AUH: variants seen among roughly 807,000 people sequenced by gnomAD.
AUH encodes AU RNA binding methylglutaconyl-CoA hydratase.
In AUH, 29 loss-of-function variants were observed where a neutral mutation model predicts 42.3. The observed-to-expected ratio is 0.69, with a 90% CI of 0.51 to 0.93. The LOEUF is 0.93. Among genes scored for constraint, AUH ranks in the 40% least tolerant of loss-of-function variants. AUH has a pLI of 0.00. For missense variants in AUH, 452 were observed against 438.1 expected (o/e 1.03, Z -0.28); for synonymous variants, 174 against 166.4 (o/e 1.05, Z -0.35).
chr9:91,223,517 T>A (rs1394302064), intron 6 of AUH, among the ~76,000 whole-genome samples: 2 of 152,224 alleles, frequency 1.3e-5, no homozygotes, highest in African/African-American at 2.4e-5. Context: ...TTGTGAATAA[T>A]GCTGCTATGA....
At chr9:91,333,074 AAG>A (rs1308046118) in intron 3 of AUH, among the ~76,000 whole-genome samples, 4 of 152,220 alleles carry the variant, frequency 2.6e-5, no homozygotes, top group African/African-American at 9.7e-5. Context: ...ACCTTCAGGA[AAG>A]AAAGCCTAAT....
intron 4 of AUH, among the ~76,000 whole-genome samples, chr9:91,305,562 G>T (rs1361793816): frequency 6.6e-6 from 1 of 152,188 alleles, no homozygotes; most frequent in Admixed American, 6.5e-5. Flanking sequence ...ACCACTGTGA[G>T]CCCTGAGAAA....
At chr9:91,337,818 G>A (rs977580839) in intron 3 of AUH, among the ~76,000 whole-genome samples, 5 of 152,148 alleles carry the variant, frequency 3.3e-5, no homozygotes. Context: ...TGTTCTCAAG[G>A]GAAGGAATTG....
chr9:91,353,221 G>A (rs904591625), intron 3 of AUH, among the ~76,000 whole-genome samples: 5 of 151,872 alleles, frequency 3.3e-5, no homozygotes, highest in Non-Finnish European at 7.4e-5. Flanking sequence ...TGAGTAGCTG[G>A]GATTACAGGC....
intron 1 of AUH, among the ~76,000 whole-genome samples, chr9:91,357,192 G>C (rs1246655673): frequency 3.3e-5 from 5 of 152,198 alleles, no homozygotes; most frequent in African/African-American, 1.2e-4. Flanking sequence ...CAATACTACT[G>C]ACAACAGCTA....
intron 3 of AUH, among the ~76,000 whole-genome samples, chr9:91,330,936 T>G (rs964971994): frequency 2.0e-5 from 3 of 152,220 alleles, no homozygotes; most frequent in Non-Finnish European, 2.9e-5. Context: ...GGGACGACTG[T>G]GGTGTGCTGG....
intron 6 of AUH, among the ~76,000 whole-genome samples, chr9:91,291,492 C>A (rs1826882908): frequency 1.3e-5 from 2 of 152,186 alleles, no homozygotes; most frequent in Non-Finnish European, 2.9e-5. Context: ...TCTGGGAATT[C>A]TTTTTAAATT....
intron 6 of AUH, among the ~76,000 whole-genome samples, chr9:91,226,821 T>A (rs1007566257): frequency 1.7e-5 from 2 of 120,752 alleles, no homozygotes; most frequent in African/African-American, 3.2e-5. Context: ...CCTTTCCCCA[T>A]TGCTTGTTTT....
intron 3 of AUH, among the ~76,000 whole-genome samples, chr9:91,344,844 G>C (rs957070936): frequency 3.3e-5 from 5 of 152,104 alleles, no homozygotes; most frequent in Admixed American, 6.5e-5. Context: ...ATCAAATCCA[G>C]CAGTATATAA....
chr9:91,321,961 C>A (rs1336676668), intron 4 of AUH, among the ~76,000 whole-genome samples: 2 of 152,074 alleles, frequency 1.3e-5, no homozygotes, highest in Non-Finnish European at 2.9e-5. Flanking sequence ...CAAGATAAAG[C>A]CTGCCTGCCT....
chr9:91,349,451 A>G (rs975370857), intron 3 of AUH, among the ~76,000 whole-genome samples: 1 of 152,238 alleles, frequency 6.6e-6, no homozygotes, highest in Admixed American at 6.5e-5. Flanking sequence ...AAAACAATGC[A>G]TGTGCACTTT....
chr9:91,337,934 G>A (rs1376036099), intron 3 of AUH, among the ~76,000 whole-genome samples: 1 of 152,278 alleles, frequency 6.6e-6, no homozygotes, highest in African/African-American at 2.4e-5. Flanking sequence ...GGTATAACAT[G>A]ACTACTGTCA....
At chr9:91,261,914 T>A (rs1829726116) in intron 6 of AUH, among the ~76,000 whole-genome samples, 1 of 152,236 alleles carries the variant, frequency 6.6e-6, no homozygotes, top group Admixed American at 6.5e-5. Flanking sequence ...AAAGGGTACT[T>A]TTGAATTAGA....
At chr9:91,269,069 C>T (rs1371123489) in intron 6 of AUH, among the ~76,000 whole-genome samples, 1 of 152,098 alleles carries the variant, frequency 6.6e-6, no homozygotes, top group Non-Finnish European at 1.5e-5. Context: ...CAACCTTCAC[C>T]TCCTGGGTTC....
At chr9:91,356,789 A>G (rs1304130831) in intron 1 of AUH, among the ~76,000 whole-genome samples, 1 of 152,212 alleles carries the variant, frequency 6.6e-6, no homozygotes, top group Non-Finnish European at 1.5e-5. Flanking sequence ...CTATGCATAG[A>G]ATGCATCCCC....
intron 3 of AUH, among the ~76,000 whole-genome samples, chr9:91,328,129 G>A (rs760711607): frequency 1.3e-5 from 2 of 152,150 alleles, no homozygotes; most frequent in Non-Finnish European, 1.5e-5. Context: ...TCATGAGGGA[G>A]GCCAATCCAT....
At chr9:91,334,181 T>G (rs1182289665) in intron 3 of AUH, among the ~76,000 whole-genome samples, 1 of 152,202 alleles carries the variant, frequency 6.6e-6, no homozygotes, top group Non-Finnish European at 1.5e-5. Flanking sequence ...ATCCACACAC[T>G]GCCTCCAGTA....
At chr9:91,268,124 A>G (rs1208857313) in intron 6 of AUH, among the ~76,000 whole-genome samples, 1 of 152,228 alleles carries the variant, frequency 6.6e-6, no homozygotes, top group Non-Finnish European at 1.5e-5. Flanking sequence ...ATCGTAATAA[A>G]CATCATCATT....
At chr9:91,249,204 G>T (rs1028881565) in intron 6 of AUH, among the ~76,000 whole-genome samples, 1 of 149,530 alleles carries the variant, frequency 6.7e-6, no homozygotes, top group Non-Finnish European at 1.5e-5. Context: ...GGCTAAGGTG[G>T]GGGGATCACC....
Sources: allele counts gnomAD v4.1 joint callset (sites outside exome capture counted in the v4.1 genomes callset), GRCh38; gene constraint gnomAD v4.1.1; transcripts MANE v1.5; gene names NCBI Gene and HGNC (gene_info 2026-07-23, HGNC 2026-07-21).